Variants in CACNA2D1 observed in about 807,000 individuals in gnomAD.
CACNA2D1 encodes the protein voltage-dependent calcium channel subunit alpha-2/delta-1.
Under a neutral mutation model 171.5 loss-of-function variants are expected in CACNA2D1, and 53 were observed. The ratio of observed to expected loss-of-function variants is 0.31; its 90% CI spans 0.25 to 0.39. The LOEUF is 0.39. CACNA2D1 is among the 10% of genes least tolerant of loss of function. The probability of loss-of-function intolerance (pLI) is 1.00; values close to 1 mark genes in which losing one functional copy is unlikely to be tolerated. For synonymous variants in CACNA2D1, 442 were observed against 443.1 expected (o/e 1.00, Z 0.03); for missense variants, 903 against 1,299.8 (o/e 0.69, Z 4.69).
rs796562716 is a variant in CACNA2D1 at position 82,146,869 on chromosome 7, C to T, written c.355-10193G>A. On this transcript the variant is annotated intron_variant, in intron 4 of 38. Transcript: ENST00000356860. ...GCCATGGTGGCACACACCTGTAATC[C>T]CAGCTACTTGGGAGGCTGAGGCAGG... is the stretch of plus-strand genomic sequence containing the variant. 1.1e-4 allele frequency among the ~76,000 whole-genome samples: 16 copies of T among 150,752 alleles called. No homozygotes were observed. The East Asian group carries it at 2.8e-3, about 26-fold the overall frequency.
intron 1 of CACNA2D1, among the ~76,000 whole-genome samples, chr7:82,362,828 C>T (rs1821221780): frequency 6.6e-6 from 1 of 152,088 alleles, no homozygotes; most frequent in South Asian, 2.1e-4. Flanking sequence ...TCTTTTAGTC[C>T]AGTTCTTAAT....
intron 2 of CACNA2D1, 34 bp from the exon 3 acceptor site, chr7:82,335,285 ATAGT>A (rs2129444359): frequency 8.3e-7 from 1 of 1,210,406 alleles, no homozygotes; most frequent in Non-Finnish European, 1.2e-6. Flanking sequence ...AGTAAGAACA[ATAGT>A]TACTTATTTG....
intron 3 of CACNA2D1, among the ~76,000 whole-genome samples, chr7:82,209,141 G>C (rs574184192): frequency 5.9e-5 from 9 of 152,212 alleles, no homozygotes; most frequent in African/African-American, 2.2e-4. Flanking sequence ...TACACACAGA[G>C]AGCTTTTTAA....
chr7:82,325,330 A>C (rs534771201), intron 3 of CACNA2D1, among the ~76,000 whole-genome samples: 1 of 152,334 alleles, frequency 6.6e-6, no homozygotes, highest in African/African-American at 2.4e-5. Context: ...TCTGAATTTT[A>C]TTCGGTAGCT....
intron 3 of CACNA2D1, among the ~76,000 whole-genome samples, chr7:82,243,713 C>T (rs1804589220): frequency 6.6e-6 from 1 of 152,158 alleles, no homozygotes; most frequent in Non-Finnish European, 1.5e-5. Flanking sequence ...TATACTCCCA[C>T]CATGCTACAT....
intron 1 of CACNA2D1, among the ~76,000 whole-genome samples, chr7:82,405,274 C>G (rs960290972): frequency 9.2e-5 from 14 of 152,034 alleles, no homozygotes; most frequent in African/African-American, 3.4e-4. Context: ...AACACACTTT[C>G]TTTTTAAATG....
intron 3 of CACNA2D1, among the ~76,000 whole-genome samples, chr7:82,258,356 C>T (rs1806560840): frequency 6.6e-6 from 1 of 151,728 alleles, no homozygotes; most frequent in Non-Finnish European, 1.5e-5. Context: ...TAAATAGTTC[C>T]TTGGCCAGTC....
At chr7:82,125,092 G>A (rs1473098736) in intron 5 of CACNA2D1, among the ~76,000 whole-genome samples, 3 of 152,154 alleles carry the variant, frequency 2.0e-5, no homozygotes, top group African/African-American at 7.2e-5. Flanking sequence ...TAATTTTAAT[G>A]TAGACAAGAC....
At chr7:82,063,265 A>C (rs1397240335) in intron 9 of CACNA2D1, among the ~76,000 whole-genome samples, 1 of 152,178 alleles carries the variant, frequency 6.6e-6, no homozygotes, top group Admixed American at 6.6e-5. Context: ...GCATTAATAT[A>C]TTGATTTATA....
chr7:82,001,832 G>T (rs1441952865), intron 18 of CACNA2D1: 2 of 266,890 alleles, frequency 7.5e-6, no homozygotes, highest in East Asian at 1.0e-4. Context: ...CTAAATGATA[G>T]AATTCAAAAT....
chr7:82,106,352 A>G (rs1337986892), intron 6 of CACNA2D1, among the ~76,000 whole-genome samples: 4 of 151,908 alleles, frequency 2.6e-5, no homozygotes, highest in Non-Finnish European at 5.9e-5. Context: ...CTGTTTTGGA[A>G]GCTATTTTAA....
At chr7:81,983,378 A>G in intron 22 of CACNA2D1, 44 bp from the exon 23 acceptor site, 2 of 1,510,134 alleles carry the variant, frequency 1.3e-6, no homozygotes, top group Non-Finnish European at 1.8e-6. Context: ...AACAAAAAAA[A>G]AAGAGGGTAA....
In CACNA2D1 at chr7:82,302,380, A is replaced by T. The variant is rs114761796; in HGVS notation, c.294+32755T>A. On this transcript the variant is annotated intron_variant, in intron 3 of 38. Transcript: ENST00000356860. ...GATGTGTAATAAAACGCCTTGAAAT[A>T]CACAAATCCTCATCTCCATGATTTC... Among the ~76,000 whole-genome samples, 159 of 152,010 alleles carry T rather than the reference A, an allele frequency of 1.0e-3. 1 individual carries two copies. Among genetic ancestry groups the T allele is most frequent in the African/African-American group, 3.8e-3 (158 of 41,474 alleles).
At chr7:81,990,069 C>G (rs527842871) in intron 21 of CACNA2D1, among the ~76,000 whole-genome samples, 49 of 152,022 alleles carry the variant, frequency 3.2e-4, no homozygotes, top group Non-Finnish European at 5.3e-4. Context: ...GAGTCAGTGA[C>G]TAAGGTAGGG....
chr7:82,109,090 G>GGC (rs1788083407), intron 6 of CACNA2D1, among the ~76,000 whole-genome samples: 1 of 151,852 alleles, frequency 6.6e-6, no homozygotes, highest in African/African-American at 2.4e-5. Flanking sequence ...AAGAAAAAAG[G>GGC]AAAAGCTACT....
chr7:81,978,753 G>GTGTGTGTATATATATATA (rs145105210), intron 24 of CACNA2D1, among the ~76,000 whole-genome samples: 6 of 139,474 alleles, frequency 4.3e-5, no homozygotes, highest in African/African-American at 2.7e-5. Flanking sequence ...TTTAAAAAGT[G>GTGTGTGTATATATATATA]TATATATATA....
chr7:82,032,879 C>T lies in CACNA2D1; in HGVS notation c.1061G>A (p.Cys354Tyr). The change falls in exon 12 of 39, where the codon TGC becomes TAC. Residue 354 changes from cysteine (C) to tyrosine (Y), a missense_variant. Transcript: ENST00000356860. ...CGTGAATAGCATAATAATCTTATTG[C>T]AGTTTGCTCTGGAAACATTATACTG... The part of the protein sequence containing the change: ...LLNYNVSRAN[C>Y]NKIIMLFTDG... 1 of 1,596,212 alleles carries T rather than the reference C, an allele frequency of 6.3e-7. No homozygotes were observed.
At chr7:82,089,427 A>T (rs1810870183) in intron 6 of CACNA2D1, among the ~76,000 whole-genome samples, 1 of 152,204 alleles carries the variant, frequency 6.6e-6, no homozygotes. Context: ...TAAGTCTTTT[A>T]TAGATGTCCA....
chr7:81,967,527 C>A (rs1166557766), intron 30 of CACNA2D1, 69 bp downstream of exon 30: 1 of 832,062 alleles, frequency 1.2e-6, no homozygotes, highest in Non-Finnish European at 2.0e-6. Context: ...GTATAAGGAC[C>A]TTATATTTTT....
Sources: gnomAD v4.1 joint callset for allele counts (sites outside exome capture counted in the v4.1 genomes callset) on GRCh38, gnomAD v4.1.1 for gene constraint, MANE v1.5 for transcripts, NCBI Gene and HGNC (gene_info 2026-07-23, HGNC 2026-07-21) for gene names.